BSX: variants seen among roughly 807,000 people sequenced by gnomAD.
BSX encodes the protein brain-specific homeobox protein homolog.
In BSX, 12 loss-of-function variants were observed where a neutral mutation model predicts 16.9. That is an observed-to-expected ratio of 0.71 (90% confidence interval 0.46 to 1.15). The LOEUF (loss-of-function observed/expected upper bound fraction) is 1.15. BSX is among the 50% of genes most tolerant of loss of function. The pLI is 0.00. For missense variants in BSX, 292 were observed against 311.8 expected (o/e 0.94, Z 0.48); for synonymous variants, 160 against 136.4 (o/e 1.17, Z -1.20).
At chr11:122,980,995 C>T (rs1487129177) in intron 1 of BSX, among the ~76,000 whole-genome samples, 1 of 152,110 alleles carries the variant, frequency 6.6e-6, no homozygotes. Flanking sequence ...AGTTTCTGTG[C>T]AGAAAAAGTT....
rs35567142 is a variant in BSX, at chr11:122,978,795, C to CTTTTTTT, written c.459+459_459+465dup. Among the ~76,000 whole-genome samples the CTTTTTTT allele has an allele frequency of 1.2e-3, 77 of 64,772 alleles. 2 individuals are homozygous for CTTTTTTT. The highest frequency in any genetic ancestry group is 3.1e-3 in the African/African-American group (56 of 18,356). The allele number at this position is 64,772 out of a possible 152,430, so 42.5% of individuals were successfully genotyped here. On this transcript the variant is annotated intron_variant, in intron 2 of 2. Coordinates refer to ENST00000343035, the MANE Select transcript of BSX (RefSeq NM_001098169.2). ...GTACTTTTTTTTTTCTTTTTCTTTT[C>CTTTTTTT]TTTTTTTTTTTTTTTTTTTTTTTTT...
At position 122,981,603 on chromosome 11, in the gene BSX, C is replaced by A; in HGVS notation, c.69G>T (p.Glu23Asp). The change falls in exon 1 of 3, where the codon GAG (glutamate) becomes GAT (aspartate). Residue 23 changes from glutamate to aspartate, a missense_variant. Around this residue, in one of 3 missense-constraint regions of BSX, gnomAD observed 176 missense variants for 187.2 expected, o/e 0.94. Coordinates refer to ENST00000343035, the MANE Select transcript of BSX (RefSeq NM_001098169.2). Reference protein sequence around the residue: ...SSQRPTSFFIEDILLHKPKPL... With the variant: ...SSQRPTSFFIDDILLHKPKPL... ...GCTTGGGCTTGTGCAGCAGGATGTC[C>A]TCGATGAAGAAGGATGTGGGCCTCT... 1 of 1,599,120 alleles carries A rather than the reference C, an allele frequency of 6.3e-7. No individual in the cohort carries two copies. Among genetic ancestry groups the A allele is most frequent in the Non-Finnish European group, 8.5e-7 (1 of 1,173,152 alleles).
Position 122,979,420 on chromosome 11 carries a change from G to A in BSX, c.300C>T (p.His100=), listed in dbSNP as rs527625117. The change falls in exon 2 of 3, where the codon CAC becomes CAT. Residue 100 remains histidine, a synonymous_variant. Coordinates refer to ENST00000343035, the MANE Select transcript of BSX (RefSeq NM_001098169.2). ...GGCAGTGCTTCCCCGGCAGCTCCGC[G>A]TGCTGCGGGTGCGGGAACAGCGCTG... ...PVPALFPHPQ[H]AELPGKHCRR... 1.2e-6 allele frequency: 2 copies of A among 1,613,420 alleles called. No individual in the cohort carries two copies. Among genetic ancestry groups the A allele is most frequent in the East Asian group, 2.2e-5 (1 of 44,856 alleles).
chr11:122,978,995 G>T (rs1864534466), intron 2 of BSX, among the ~76,000 whole-genome samples: 1 of 151,568 alleles, frequency 6.6e-6, no homozygotes, highest in East Asian at 2.0e-4. Context: ...TAGTAGAGAC[G>T]GGGTTTCACC....
In BSX at chr11:122,977,739, C is replaced by T. The variant is rs958902590; in HGVS notation, c.612G>A (p.Leu204=). 1.2e-6 allele frequency: 2 copies of T among 1,608,230 alleles called. No individual in the cohort carries two copies. Among genetic ancestry groups the T allele is most frequent in the African/African-American group, 2.7e-5 (2 of 74,884 alleles). ...AATAAEARLS[L]PAGPFVLTEP... ...CGGTCAGCACGAAGGGACCGGCGGG[C>T]AGGCTCAGCCGAGCCTCGGCGGCGG... The change falls in exon 3 of 3, where the codon CTG becomes CTA. Residue 204 remains leucine (L), a synonymous_variant. Coordinates refer to ENST00000343035, the MANE Select transcript of BSX (RefSeq NM_001098169.2). The surrounding 1 kb of genome is among the most constrained non-coding windows in gnomAD (Gnocchi z 4.5).
intron 1 of BSX, among the ~76,000 whole-genome samples, chr11:122,980,273 CAG>C (rs1323918847): frequency 6.6e-6 from 1 of 152,076 alleles, no homozygotes; most frequent in Non-Finnish European, 1.5e-5. Context: ...ACGCACCAAG[CAG>C]AGAGAAGCTG....
Position 122,981,427 on chromosome 11 carries a change from TA to T in BSX, c.244del (p.Tyr82IlefsTer73). 6.5e-7 allele frequency: 1 copy of T among 1,542,418 alleles called. No individual in the cohort carries two copies. The highest frequency in any genetic ancestry group is 8.8e-7 in the Non-Finnish European group (1 of 1,139,234). ...TTACTTACCCGAGGTGGTGAGGAAA[TA>T]AGGATGATGGTGGTCTCCCTTATGC... ...PLHKGDHHHP[Y>X]FLTTSGMPVP... On this transcript the variant is annotated frameshift_variant, in exon 1 of 3. Transcript: ENST00000343035. LOFTEE classifies it high-confidence loss of function.
In BSX at chr11:122,977,715, G is replaced by A. The variant is rs781680432; in HGVS notation, c.636C>T (p.Thr212=). The change falls in exon 3 of 3, where the codon ACC becomes ACT. Residue 212 remains threonine, a synonymous_variant. Coordinates refer to ENST00000343035, the MANE Select transcript of BSX (RefSeq NM_001098169.2). This position sits in a 1 kb window ranked among gnomAD's most constrained non-coding sequence, Gnocchi z 4.5. ...CAATGTCCACCTCGTCCTCTGGCTC[G>A]GTCAGCACGAAGGGACCGGCGGGCA... ...LSLPAGPFVL[T]EPEDEVDIGD... The A allele has an allele frequency of 6.2e-7, 1 of 1,613,068 alleles. No homozygotes were observed.
Position 122,977,782 on chromosome 11 carries a change from C to T in BSX, c.569G>A (p.Arg190His), listed in dbSNP as rs1565347536. Residue 190 changes from arginine (R) to histidine (H), a missense_variant, in exon 3 of 3, where the codon CGC becomes CAC. Transcript: ENST00000343035. This position sits in a 1 kb window ranked among gnomAD's most constrained non-coding sequence, Gnocchi z 4.5. Reference protein sequence around the residue: ...DGPESPEGSPRGSEAATAAEA... With the variant: ...DGPESPEGSPHGSEAATAAEA... ...GGCGGCGGTGGCGGCCTCTGAACCG[C>T]GGGGGCTGCCCTCGGGGCTTTCTGG... is the stretch of plus-strand genomic sequence containing the variant. 9.9e-6 allele frequency: 16 copies of T among 1,613,484 alleles called. No homozygotes were observed. Among genetic ancestry groups the T allele is most frequent in the Non-Finnish European group, 1.3e-5 (15 of 1,179,752 alleles).
Position 122,977,835 on chromosome 11 carries a change from G to A in BSX, c.516C>T (p.Ser172=). ...CGTCTGGTGCTTTGGGTTCGTCTTG[G>A]CTTTTCCGCAGTTGCTTTTTATGCT... ...RMKHKKQLRK[S]QDEPKAPDGP... Residue 172 remains serine (S), a synonymous_variant, in exon 3 of 3, where the codon AGC becomes AGT. Coordinates refer to ENST00000343035, the MANE Select transcript of BSX (RefSeq NM_001098169.2). The surrounding 1 kb of genome is among the most constrained non-coding windows in gnomAD (Gnocchi z 4.5). 3.7e-6 allele frequency: 6 copies of A among 1,613,962 alleles called. No individual in the cohort carries two copies. Among genetic ancestry groups the A allele is most frequent in the Non-Finnish European group, 5.1e-6 (6 of 1,179,948 alleles).
Position 122,979,333 on chromosome 11 carries a change from G to C in BSX, c.387C>G (p.Phe129Leu), listed in dbSNP as rs1350191897. The C allele has an allele frequency of 6.2e-7, 1 of 1,614,154 alleles. No individual in the cohort carries two copies. Among genetic ancestry groups the C allele is most frequent in the Admixed American group, 1.7e-5 (1 of 60,028 alleles). Residue 129 changes from phenylalanine (F) to leucine (L), a missense_variant, in exon 2 of 3, where the codon TTC becomes TTG. Transcript: ENST00000343035. ...GCGTGGACAGGTAGCGCTGGATCTC[G>C]AACCTCTTCTCCAAGCCCGAGAGCT... ...DSQLSGLEKR[F>L]EIQRYLSTPE...
In BSX at chr11:122,981,727, C is replaced by CAG. The variant is rs1245221765; in HGVS notation, c.-58_-57dup. The stretch of plus-strand genomic sequence containing the variant: ...GCCGGGACGAAGTGGAGGACGCAGG[C>CAG]AGAGTCTCCAAGCCTGCTCGAAAGC... On this transcript the variant is annotated 5_prime_UTR_variant, in exon 1 of 3. Transcript: ENST00000343035. 6.6e-7 allele frequency: 1 copy of CAG among 1,507,492 alleles called. No individual in the cohort carries two copies. The highest frequency in any genetic ancestry group is 1.4e-5 in the African/African-American group (1 of 72,810). 93.4% of individuals were successfully genotyped at this position (1,507,492 alleles called of 1,614,324 possible). A position where few individuals can be genotyped will look rare whatever the true frequency, so the allele number is the denominator to read the frequency against.
chr11:122,979,575 G>C (rs1228757275), intron 1 of BSX, 118 bp from the exon 2 acceptor site: 1 of 794,490 alleles, frequency 1.3e-6, no homozygotes, highest in Non-Finnish European at 1.9e-6. Flanking sequence ...GCCTCCGTCA[G>C]TCTGCTCGCC....
rs892963804 is a variant in BSX, at chr11:122,981,444, T to A, written c.228A>T (p.Gly76=). The A allele has an allele frequency of 2.2e-5, 34 of 1,555,132 alleles. No homozygotes were observed. Among genetic ancestry groups the A allele is most frequent in the Non-Finnish European group, 3.0e-5 (34 of 1,146,886 alleles). The change falls in exon 1 of 3, where the codon GGA becomes GGT. Residue 76 remains glycine (G), a synonymous_variant. Coordinates refer to ENST00000343035, the MANE Select transcript of BSX (RefSeq NM_001098169.2). ...TGAGGAAATAAGGATGATGGTGGTC[T>A]CCCTTATGCAGAGGGTGATGGGCGT... ...APHAHHPLHK[G]DHHHPYFLTT... is the part of the protein sequence containing the mutation.
rs1482864599 is a variant in BSX, at chr11:122,979,395, G to T, written c.325C>A (p.Arg109Ser). 6 of 1,613,910 alleles carry T rather than the reference G, an allele frequency of 3.7e-6. No homozygotes were observed. Among genetic ancestry groups the T allele is most frequent in the Non-Finnish European group, 5.1e-6 (6 of 1,180,002 alleles). Reference sequence around the variant, plus strand: ...AAAACCGTGCGGGCTTTGCGGCGGCGGCAGTGCTTCCCCGGCAGCTCCGCG... The same window carrying T: ...AAAACCGTGCGGGCTTTGCGGCGGCTGCAGTGCTTCCCCGGCAGCTCCGCG... ...QHAELPGKHC[R>S]RRKARTVFSD... is the part of the protein sequence containing the mutation. The change falls in exon 2 of 3, where the codon CGC (arginine) becomes AGC (serine). Residue 109 changes from arginine (R) to serine (S), a missense_variant. Transcript: ENST00000343035.
chr11:122,979,726 G>C (rs911465423), intron 1 of BSX, among the ~76,000 whole-genome samples: 12 of 152,046 alleles, frequency 7.9e-5, no homozygotes, highest in African/African-American at 2.9e-4. Flanking sequence ...AAACAGAAAA[G>C]AAAATCGGAA....
At position 122,979,433 on chromosome 11, in the gene BSX, G is replaced by A. The variant is rs1864540884; in HGVS notation, c.287C>T (p.Pro96Leu). The change falls in exon 2 of 3, where the codon CCG (proline) becomes CTG (leucine). Residue 96 changes from proline to leucine, a missense_variant. This residue lies in a region of BSX where 176 missense variants were observed against 187.2 expected (regional missense o/e 0.94). Transcript: ENST00000343035. ...CGGCAGCTCCGCGTGCTGCGGGTGC[G>A]GGAACAGCGCTGGGACTGGCATCCC... ...TSGMPVPALF[P>L]HPQHAELPGK... 5.0e-6 allele frequency: 8 copies of A among 1,612,830 alleles called. No homozygotes were observed. Among genetic ancestry groups the A allele is most frequent in the African/African-American group, 2.7e-5 (2 of 74,934 alleles).
Position 122,977,625 on chromosome 11 carries a change from T to C in BSX, c.*24A>G. The C allele has an allele frequency of 6.3e-7, 1 of 1,599,190 alleles. No homozygotes were observed. The highest frequency in any genetic ancestry group is 1.3e-5 in the African/African-American group (1 of 74,848). On this transcript the variant is annotated 3_prime_UTR_variant, in exon 3 of 3. Coordinates refer to ENST00000343035, the MANE Select transcript of BSX (RefSeq NM_001098169.2). This position sits in a 1 kb window ranked among gnomAD's most constrained non-coding sequence, Gnocchi z 4.5. ...CGGCCCCGCAGTCTCCTCCCCTGCC[T>C]ACTACCCTCCCCAGCCTGGCGGCTC... is the stretch of plus-strand genomic sequence containing the variant.
Position 122,981,595 on chromosome 11 carries a change from A to G in BSX, c.77T>C (p.Leu26Pro), listed in dbSNP as rs1864573188. ...TCTCAGCGGCTTGGGCTTGTGCAGC[A>G]GGATGTCCTCGATGAAGAAGGATGT... ...RPTSFFIEDI[L>P]LHKPKPLREV... The change falls in exon 1 of 3, where the codon CTG becomes CCG. Residue 26 changes from leucine (L) to proline (P), a missense_variant. By Grantham distance (98) the Leu-to-Pro change is moderately conservative. Around this residue, in one of 3 missense-constraint regions of BSX, gnomAD observed 176 missense variants for 187.2 expected, o/e 0.94. Transcript: ENST00000343035. 1 of 1,599,036 alleles carries G rather than the reference A, an allele frequency of 6.3e-7. No homozygotes were observed. The highest frequency in any genetic ancestry group is 8.5e-7 in the Non-Finnish European group (1 of 1,173,150).
Sources: gnomAD v4.1 joint callset for allele counts (sites outside exome capture counted in the v4.1 genomes callset) on GRCh38, gnomAD v4.1.1 for gene constraint, gnomAD v4.1.1 regional missense constraint, Gnocchi (gnomAD v3.1) non-coding constraint, MANE v1.5 for transcripts, NCBI Gene and HGNC (gene_info 2026-07-23, HGNC 2026-07-21) for gene names.